Variants in SLC25A21 observed in about 807,000 individuals in gnomAD.
The protein encoded by SLC25A21 is solute carrier family 25 member 21, also known as mitochondrial 2-oxodicarboxylate carrier.
A neutral mutation model predicts 43.8 loss-of-function variants in SLC25A21; 47 were observed. The observed-to-expected ratio is 1.07, with a 90% CI of 0.85 to 1.37. The LOEUF (loss-of-function observed/expected upper bound fraction) is 1.37. Among genes scored for constraint, SLC25A21 ranks in the 40% most tolerant of loss-of-function variants. The pLI is 0.00. For missense variants in SLC25A21, 352 were observed against 350.2 expected (o/e 1.00, Z -0.04); for synonymous variants, 131 against 121.3 (o/e 1.08, Z -0.52).
At chr14:36,708,490 T>C (rs1353013185) in intron 7 of SLC25A21, among the ~76,000 whole-genome samples, 1 of 152,140 alleles carries the variant, frequency 6.6e-6, no homozygotes, top group Non-Finnish European at 1.5e-5. Flanking sequence ...CAGGCTGGAG[T>C]GCAGTGCCAT....
intron 9 of SLC25A21, 120 bp downstream of exon 9, chr14:36,683,708 C>G (rs765892725): frequency 4.7e-5 from 30 of 635,632 alleles, no homozygotes; most frequent in Non-Finnish European, 7.4e-5. Flanking sequence ...ACTTTATATT[C>G]TCAAGGTTTC....
chr14:36,740,520 C>A (rs142003768), intron 3 of SLC25A21, among the ~76,000 whole-genome samples: 57 of 152,284 alleles, frequency 3.7e-4, no homozygotes, highest in African/African-American at 1.2e-3. Context: ...AAATGAAGAT[C>A]AAAAACTACA....
At chr14:37,050,676 C>T (rs966424789) in intron 1 of SLC25A21, among the ~76,000 whole-genome samples, 1 of 152,230 alleles carries the variant, frequency 6.6e-6, no homozygotes, top group Non-Finnish European at 1.5e-5. Context: ...GGCCCATTCT[C>T]CATATCTTCC....
At chr14:36,927,009 G>C (rs1415795494) in intron 1 of SLC25A21, among the ~76,000 whole-genome samples, 2 of 151,896 alleles carry the variant, frequency 1.3e-5, no homozygotes, top group African/African-American at 2.4e-5. Flanking sequence ...AACTCTACTA[G>C]AAATGCAAAA....
At chr14:36,980,943 G>A (rs1025158394) in intron 1 of SLC25A21, among the ~76,000 whole-genome samples, 8 of 152,048 alleles carry the variant, frequency 5.3e-5, no homozygotes, top group Non-Finnish European at 1.2e-4. Flanking sequence ...TCTACCCATC[G>A]GACAAAGGGC....
intron 7 of SLC25A21, among the ~76,000 whole-genome samples, chr14:36,709,431 C>T (rs113776450): frequency 2.6e-4 from 40 of 152,330 alleles, no homozygotes; most frequent in African/African-American, 8.4e-4. Context: ...AGAGCTCCTT[C>T]GTGTCATCCA....
intron 1 of SLC25A21, among the ~76,000 whole-genome samples, chr14:37,065,186 A>C (rs6571776): frequency 0.23 from 34,718 of 152,062 alleles, 4,577 homozygotes; most frequent in Non-Finnish European, 0.29. Flanking sequence ...TGAGATTTGA[A>C]AGCTGAGGAG....
At chr14:37,161,013 G>C (rs1963931449) in intron 1 of SLC25A21, among the ~76,000 whole-genome samples, 3 of 30,184 alleles carry the variant, frequency 9.9e-5, no homozygotes, top group African/African-American at 1.6e-4. Context: ...TGGAGGGGGC[G>C]GGGGGGAGGA....
Position 37,040,267 on chromosome 14 carries a change from G to GAA in SLC25A21, c.70+132013_70+132014insTT, listed in dbSNP as rs1483801347. 1.2e-3 allele frequency among the ~76,000 whole-genome samples: 52 copies of GAA among 42,408 alleles called. 10 individuals carry two copies. Among genetic ancestry groups the GAA allele is most frequent in the African/African-American group, 8.0e-3 (29 of 3,646 alleles). The allele number at this position is 42,408 out of a possible 152,430, so 27.8% of individuals were successfully genotyped here. A position where few individuals can be genotyped will look rare whatever the true frequency, so the allele number is the denominator to read the frequency against. On this transcript the variant is annotated intron_variant, in intron 1 of 9. Coordinates refer to ENST00000331299, the MANE Select transcript of SLC25A21 (RefSeq NM_030631.4). ...GGGAGGAAGGGAGGGAGGGAGGGAGGGAGGAAGGAAGGAAGGAAGGAAAGA... is the reference window on the plus strand; with the variant it reads ...GGGAGGAAGGGAGGGAGGGAGGGAGGAAGAGGAAGGAAGGAAGGAAGGAAAGA...
At chr14:36,698,978 G>A (rs1169724911) in intron 7 of SLC25A21, among the ~76,000 whole-genome samples, 5 of 152,138 alleles carry the variant, frequency 3.3e-5, no homozygotes, top group South Asian at 2.1e-4. Flanking sequence ...AAGGAGCTGC[G>A]ATCTTTTGGA....
intron 1 of SLC25A21, among the ~76,000 whole-genome samples, chr14:36,979,667 T>G (rs1352022911): frequency 1.3e-5 from 2 of 152,224 alleles, no homozygotes; most frequent in Non-Finnish European, 2.9e-5. Context: ...AAGGTAGTAT[T>G]TTTTAAACTT....
At chr14:36,859,001 A>G (rs961062760) in intron 2 of SLC25A21, among the ~76,000 whole-genome samples, 17 of 152,236 alleles carry the variant, frequency 1.1e-4, no homozygotes, top group African/African-American at 3.6e-4. Context: ...TTCCAAGATC[A>G]TCTCCTCAGA....
At chr14:36,893,374 T>A (rs1276368818) in intron 1 of SLC25A21, among the ~76,000 whole-genome samples, 1 of 152,332 alleles carries the variant, frequency 6.6e-6, no homozygotes, top group Admixed American at 6.5e-5. Flanking sequence ...TTCATGTCCT[T>A]CACCCACTTT....
At chr14:36,826,990 TGAGGAC>T (rs1284039625) in intron 2 of SLC25A21, among the ~76,000 whole-genome samples, 1 of 152,190 alleles carries the variant, frequency 6.6e-6, no homozygotes, top group East Asian at 1.9e-4. Flanking sequence ...AGGATGGGGA[TGAGGAC>T]GAGGACGAGG....
intron 1 of SLC25A21, among the ~76,000 whole-genome samples, chr14:37,131,808 G>T (rs915981137): frequency 1.3e-5 from 2 of 152,010 alleles, no homozygotes; most frequent in Non-Finnish European, 1.5e-5. Context: ...TGAGTAGCTG[G>T]GACCACTGGT....
chr14:37,161,605 A>G (rs768931064), intron 1 of SLC25A21, among the ~76,000 whole-genome samples: 3 of 152,208 alleles, frequency 2.0e-5, no homozygotes, highest in Non-Finnish European at 4.4e-5. Flanking sequence ...ATTGGATTAC[A>G]GTGAACCCTA....
chr14:37,086,406 T>TATAG (rs1400325742), intron 1 of SLC25A21, among the ~76,000 whole-genome samples: 17 of 152,170 alleles, frequency 1.1e-4, no homozygotes, highest in Non-Finnish European at 2.4e-4. Flanking sequence ...TTACTATGTG[T>TATAG]ATAGATATGT....
At position 36,678,193 on chromosome 14, in the gene SLC25A21, C is replaced by CTTCGT. The variant is rs1881996435; in HGVS notation, c.*2460_*2464dup. ...CGGTTCCACCACATCGGTTTCGTGG[C>CTTCGT]TTCGTTTAAAACTCAGATGGCTAGA... On this transcript the variant is annotated 3_prime_UTR_variant, in exon 10 of 10. Transcript: ENST00000331299. 1 of 462,232 alleles carries CTTCGT rather than the reference C, an allele frequency of 2.2e-6. No homozygotes were observed. Among genetic ancestry groups the CTTCGT allele is most frequent in the East Asian group, 3.4e-5 (1 of 29,060 alleles). The allele number at this position is 462,232 out of a possible 1,614,324, so 28.6% of individuals were successfully genotyped here. A position where few individuals can be genotyped will look rare whatever the true frequency, so the allele number is the denominator to read the frequency against.
chr14:36,937,311 CT>C (rs1225973823), intron 1 of SLC25A21, among the ~76,000 whole-genome samples: 3 of 152,304 alleles, frequency 2.0e-5, no homozygotes, highest in African/African-American at 7.2e-5. Flanking sequence ...CCTAGCTGAG[CT>C]TTTCCTCCCA....
Sources: gnomAD v4.1 joint callset for allele counts (sites outside exome capture counted in the v4.1 genomes callset) on GRCh38, gnomAD v4.1.1 for gene constraint, MANE v1.5 for transcripts, NCBI Gene and HGNC (gene_info 2026-07-23, HGNC 2026-07-21) for gene names.